The following C7orf78 variants were observed in gnomAD, a reference collection of about 807,000 sequenced individuals.
C7orf78 encodes putative uncharacterized protein C7orf78.
the C7orf78 span, among the ~76,000 whole-genome samples, chr7:12,529,650 A>G: frequency 6.6e-6 from 1 of 152,224 alleles, no homozygotes. Flanking sequence ...TGTAAGGTAT[A>G]CATTGGTTTC....
At chr7:12,488,600 G>C in the C7orf78 span, among the ~76,000 whole-genome samples, 1 of 151,866 alleles carries the variant, frequency 6.6e-6, no homozygotes, top group African/African-American at 2.4e-5. Flanking sequence ...GAATCATTTA[G>C]CCAACAGCCC....
chr7:12,517,527 A>T, the C7orf78 span, among the ~76,000 whole-genome samples: 1 of 152,000 alleles, frequency 6.6e-6, no homozygotes, highest in Non-Finnish European at 1.5e-5. Flanking sequence ...TTCATATATC[A>T]TTTGCTTTAT....
chr7:12,503,277 T>A, the C7orf78 span, among the ~76,000 whole-genome samples: 5 of 151,020 alleles, frequency 3.3e-5, no homozygotes, highest in African/African-American at 9.8e-5. Flanking sequence ...AGAAAAAAAA[T>A]ATTTATGGGA....
chr7:12,491,973 G>C, the C7orf78 span: 2 of 152,138 alleles, frequency 1.3e-5, no homozygotes, highest in African/African-American at 2.4e-5. Flanking sequence ...CAATCATTTA[G>C]AAGAATTCTC....
chr7:12,515,435 C>T, the C7orf78 span, among the ~76,000 whole-genome samples: 1 of 152,170 alleles, frequency 6.6e-6, no homozygotes, highest in African/African-American at 2.4e-5. Flanking sequence ...TCATTTTCTT[C>T]CCAGTCTCAG....
At chr7:12,538,616 A>C in the C7orf78 span, among the ~76,000 whole-genome samples, 1 of 152,112 alleles carries the variant, frequency 6.6e-6, no homozygotes, top group South Asian at 2.1e-4. Flanking sequence ...ACTTGCCCTA[A>C]GTCCCTGCCT....
chr7:12,516,708 G>C, the C7orf78 span, among the ~76,000 whole-genome samples: 52 of 152,194 alleles, frequency 3.4e-4, 1 homozygote, highest in South Asian at 2.5e-3. Context: ...GCATGACCTG[G>C]ATGTGAGACC....
At chr7:12,510,487 C>T in the C7orf78 span, among the ~76,000 whole-genome samples, 1 of 152,078 alleles carries the variant, frequency 6.6e-6, no homozygotes, top group African/African-American at 2.4e-5. Flanking sequence ...TTTGAGAAAT[C>T]TCCATACTGT....
At chr7:12,530,627 G>A in the C7orf78 span, 2 of 153,656 alleles carry the variant, frequency 1.3e-5, no homozygotes, top group South Asian at 2.1e-4. Context: ...CACTCATGAA[G>A]GGGGTCCATT....
chr7:12,536,739 A>G, the C7orf78 span, among the ~76,000 whole-genome samples: 1 of 152,166 alleles, frequency 6.6e-6, no homozygotes, highest in East Asian at 1.9e-4. Flanking sequence ...TTGGCTGCTT[A>G]GAAATTTCTT....
the C7orf78 span, among the ~76,000 whole-genome samples, chr7:12,495,153 T>C: frequency 1.3e-5 from 2 of 152,194 alleles, no homozygotes; most frequent in African/African-American, 4.8e-5. Flanking sequence ...TGGTCATTCA[T>C]CCGGGGGATA....
chr7:12,539,202 C>T, the C7orf78 span, among the ~76,000 whole-genome samples: 1 of 152,186 alleles, frequency 6.6e-6, no homozygotes, highest in Admixed American at 6.5e-5. Context: ...CAGTGGCTCA[C>T]ACCTGTAATC....
At chr7:12,493,607 T>C in the C7orf78 span, among the ~76,000 whole-genome samples, 2 of 152,254 alleles carry the variant, frequency 1.3e-5, no homozygotes, top group African/African-American at 2.4e-5. Context: ...TTAGTCACTG[T>C]ACTACAGAGA....
At chr7:12,495,113 C>T in the C7orf78 span, among the ~76,000 whole-genome samples, 1 of 152,162 alleles carries the variant, frequency 6.6e-6, no homozygotes, top group Non-Finnish European at 1.5e-5. Context: ...AATGTTCACC[C>T]ACCATGTGTC....
At chr7:12,496,919 C>T in the C7orf78 span, among the ~76,000 whole-genome samples, 2 of 150,870 alleles carry the variant, frequency 1.3e-5, no homozygotes, top group African/African-American at 4.8e-5. Context: ...TAAAATTGAA[C>T]ATCAGGGAAA....
chr7:12,525,290 A>G, the C7orf78 span, among the ~76,000 whole-genome samples: 1 of 152,140 alleles, frequency 6.6e-6, no homozygotes, highest in East Asian at 1.9e-4. Flanking sequence ...AATTGGTTCA[A>G]TTAAACCACT....
At chr7:12,532,685 G>T in the C7orf78 span, among the ~76,000 whole-genome samples, 2 of 152,110 alleles carry the variant, frequency 1.3e-5, no homozygotes, top group African/African-American at 4.8e-5. Flanking sequence ...TACAGCACAC[G>T]ACACTTAGTA....
chr7:12,495,257 C>T, the C7orf78 span, among the ~76,000 whole-genome samples: 1 of 152,174 alleles, frequency 6.6e-6, no homozygotes, highest in East Asian at 1.9e-4. Context: ...CTATCCCACA[C>T]TGTGTGACAT....
the C7orf78 span, among the ~76,000 whole-genome samples, chr7:12,527,205 C>A: frequency 3.7e-5 from 5 of 133,404 alleles, no homozygotes; most frequent in African/African-American, 1.6e-4. Context: ...ATGTGTCACT[C>A]ACTATGGTAG....
Sources: gnomAD v4.1 joint callset for allele counts (sites outside exome capture counted in the v4.1 genomes callset) on GRCh38, gnomAD v4.1.1 for gene constraint, MANE v1.5 for transcripts, NCBI Gene and HGNC (gene_info 2026-07-23, HGNC 2026-07-21) for gene names.